Variants in GPC5 observed in about 807,000 individuals in gnomAD.
The protein encoded by GPC5 is glypican 5.
A neutral mutation model predicts 53.9 loss-of-function variants in GPC5; 47 were observed. The observed-to-expected ratio is 0.87, with a 90% CI of 0.69 to 1.11. The LOEUF (loss-of-function observed/expected upper bound fraction) is 1.11, where lower values mean the gene tolerates loss of function less well. Among genes scored for constraint, GPC5 ranks in the 50% most tolerant of loss-of-function variants. The probability of loss-of-function intolerance (pLI) is 0.00; values close to 1 mark genes in which losing one functional copy is unlikely to be tolerated. For synonymous variants in GPC5, 286 were observed against 263.3 expected, an observed-to-expected ratio of 1.09 and a Z score of -0.84; for missense variants, 748 against 713.1, an observed-to-expected ratio of 1.05 and a Z score of -0.56.
At chr13:92,786,555 G>A (rs570364768) in intron 7 of GPC5, among the ~76,000 whole-genome samples, 9 of 152,142 alleles carry the variant, frequency 5.9e-5, no homozygotes, top group African/African-American at 1.7e-4. Context: ...ATATAACACT[G>A]GCGATACTAG....
chr13:92,443,211 G>T (rs1248095931), intron 7 of GPC5, among the ~76,000 whole-genome samples: 1 of 152,166 alleles, frequency 6.6e-6, no homozygotes, highest in South Asian at 2.1e-4. Context: ...GCTCTCACAT[G>T]AACTCATAGA....
At chr13:91,782,952 GT>G (rs1258497628) in intron 5 of GPC5, among the ~76,000 whole-genome samples, 2 of 151,592 alleles carry the variant, frequency 1.3e-5, no homozygotes, top group African/African-American at 4.9e-5. Context: ...AAAAATAAAA[GT>G]TTTTTTCCTA....
intron 6 of GPC5, among the ~76,000 whole-genome samples, chr13:92,008,149 G>A (rs1169040240): frequency 2.1e-5 from 3 of 143,948 alleles, no homozygotes; most frequent in African/African-American, 7.7e-5. Flanking sequence ...TGCAAGCTCC[G>A]CCTCCCGGGT....
At chr13:92,547,987 G>C (rs1278446653) in intron 7 of GPC5, among the ~76,000 whole-genome samples, 3 of 138,242 alleles carry the variant, frequency 2.2e-5, no homozygotes, top group Non-Finnish European at 1.6e-5. Flanking sequence ...CCGCCACCAC[G>C]CCTGGCTAAT....
At position 92,208,137 on chromosome 13, in the gene GPC5, C is replaced by G. The variant is rs571151457; in HGVS notation, c.1561+63148C>G. Among the ~76,000 whole-genome samples the G allele has an allele frequency of 4.6e-5, 7 of 152,298 alleles. No individual in the cohort carries two copies. The South Asian group carries it at 1.5e-3, about 32-fold the overall frequency. On this transcript the variant is annotated intron_variant, in intron 7 of 7. Transcript: ENST00000377067. ...CTGAGTGTTCACTCATTTCATGGAC[C>G]CAGGTGGCCACCTCAAGCCAGTTCA...
intron 3 of GPC5, among the ~76,000 whole-genome samples, chr13:91,706,395 T>A (rs1410245606): frequency 6.6e-6 from 1 of 152,126 alleles, no homozygotes; most frequent in Non-Finnish European, 1.5e-5. Flanking sequence ...AATCTGACAT[T>A]AATATTGCCG....
intron 7 of GPC5, among the ~76,000 whole-genome samples, chr13:92,439,708 C>A (rs764200249): frequency 5.3e-5 from 8 of 152,106 alleles, no homozygotes; most frequent in African/African-American, 9.7e-5. Context: ...AAACCAAAGA[C>A]AATGGGGGTC....
chr13:91,599,191 C>T (rs1235045405), intron 2 of GPC5, among the ~76,000 whole-genome samples: 1 of 151,898 alleles, frequency 6.6e-6, no homozygotes. Context: ...AATATTATTC[C>T]ATACTTATAA....
intron 2 of GPC5, among the ~76,000 whole-genome samples, chr13:91,488,518 A>G (rs756927490): frequency 6.6e-6 from 1 of 152,180 alleles, no homozygotes; most frequent in Non-Finnish European, 1.5e-5. Context: ...CCAAATTAAT[A>G]CTTTTATAAT....
chr13:92,734,885 A>G (rs1888897932), intron 7 of GPC5, among the ~76,000 whole-genome samples: 1 of 151,872 alleles, frequency 6.6e-6, no homozygotes, highest in Admixed American at 6.6e-5. Flanking sequence ...TCTATTTTTC[A>G]TAAAATTATT....
intron 7 of GPC5, among the ~76,000 whole-genome samples, chr13:92,176,407 T>A (rs2042109478): frequency 6.6e-6 from 1 of 152,288 alleles, no homozygotes; most frequent in African/African-American, 2.4e-5. Context: ...TAAGTGGTGG[T>A]TTGTGTTTTC....
At chr13:92,521,991 A>G (rs1234694087) in intron 7 of GPC5, among the ~76,000 whole-genome samples, 1 of 152,244 alleles carries the variant, frequency 6.6e-6, no homozygotes, top group African/African-American at 2.4e-5. Context: ...ACTTCTCAAA[A>G]GAAGACATTT....
chr13:92,166,997 T>C lies in GPC5; in HGVS notation c.1561+22008T>C, dbSNP rs555274630. Among the ~76,000 whole-genome samples the C allele has an allele frequency of 4.6e-4, 59 of 128,408 alleles. 2 individuals are homozygous for C. The South Asian group carries it at 5.4e-3, about 12-fold the overall frequency. 84.2% of individuals were successfully genotyped at this position (128,408 alleles called of 152,430 possible). Reference sequence around the variant, plus strand: ...ACACACACACACACACACACACACATATACACACGCCCTATCCTGAACAGT... The same window carrying C: ...ACACACACACACACACACACACACACATACACACGCCCTATCCTGAACAGT... On this transcript the variant is annotated intron_variant, in intron 7 of 7. Coordinates refer to ENST00000377067, the MANE Select transcript of GPC5 (RefSeq NM_004466.6).
chr13:91,460,938 C>T (rs1881892331), intron 2 of GPC5, among the ~76,000 whole-genome samples: 1 of 152,114 alleles, frequency 6.6e-6, no homozygotes. Flanking sequence ...GCTGTTCATG[C>T]TGGGAAATTA....
intron 7 of GPC5, among the ~76,000 whole-genome samples, chr13:92,536,892 A>G (rs116934568): frequency 6.4e-4 from 97 of 152,218 alleles, no homozygotes; most frequent in Non-Finnish European, 1.1e-3. Context: ...ATGCAGGCTT[A>G]TTAGTGTATA....
intron 5 of GPC5, among the ~76,000 whole-genome samples, chr13:91,869,382 A>T (rs1343382736): frequency 6.6e-6 from 1 of 152,146 alleles, no homozygotes; most frequent in Non-Finnish European, 1.5e-5. Context: ...TCCTCTATAG[A>T]GATTATTAAT....
At chr13:92,244,439 G>T (rs574448960) in intron 7 of GPC5, among the ~76,000 whole-genome samples, 1 of 152,208 alleles carries the variant, frequency 6.6e-6, no homozygotes, top group Admixed American at 6.5e-5. Flanking sequence ...TATTTAAATA[G>T]CATGGACTAG....
At chr13:92,602,220 AATATATATATAACATATATATATATATAT>A (rs1884087630) in intron 7 of GPC5, among the ~76,000 whole-genome samples, 1 of 110,254 alleles carries the variant, frequency 9.1e-6, no homozygotes, top group Non-Finnish European at 1.8e-5. Flanking sequence ...CATATATATA[AATATATATATAACATATATATATATATAT>A]ATATATATAT....
chr13:92,395,299 C>T lies in GPC5; in HGVS notation c.1561+250310C>T, dbSNP rs182318338. On this transcript the variant is annotated intron_variant, in intron 7 of 7. Coordinates refer to ENST00000377067, the MANE Select transcript of GPC5 (RefSeq NM_004466.6). ...ATTTTTACGGTTGTCCTAGACTTTCCGATATAAATGTTCAACTAATTTAAC... is the reference window on the plus strand; with the variant it reads ...ATTTTTACGGTTGTCCTAGACTTTCTGATATAAATGTTCAACTAATTTAAC... 2.1e-3 allele frequency among the ~76,000 whole-genome samples: 312 copies of T among 152,028 alleles called. 1 individual carries two copies. Among genetic ancestry groups the T allele is most frequent in the African/African-American group, 5.0e-3 (208 of 41,492 alleles).
Sources: gnomAD v4.1 joint callset for allele counts (sites outside exome capture counted in the v4.1 genomes callset) on GRCh38, gnomAD v4.1.1 for gene constraint, MANE v1.5 for transcripts, NCBI Gene and HGNC (gene_info 2026-07-23, HGNC 2026-07-21) for gene names.